The following IL17RB variants were observed in gnomAD, a reference collection of about 807,000 sequenced individuals.
The protein encoded by IL17RB is interleukin 17 receptor B.
Under a neutral mutation model 43.9 loss-of-function variants are expected in IL17RB, and 36 were observed. That is an observed-to-expected ratio of 0.82 (90% CI 0.63 to 1.08). The LOEUF (loss-of-function observed/expected upper bound fraction) is 1.08, where lower values mean the gene tolerates loss of function less well. IL17RB is among the 50% of genes least tolerant of loss of function. The probability of loss-of-function intolerance (pLI) is 0.00; values close to 1 mark genes in which losing one functional copy is unlikely to be tolerated. For synonymous variants in IL17RB, 225 were observed against 225.4 expected (o/e 1.00, Z 0.02); for missense variants, 613 against 613.6 (o/e 1.00, Z 0.01).
intron 9 of IL17RB, chr3:53,859,025 C>T (rs185426239): frequency 8.2e-6 from 4 of 487,304 alleles, no homozygotes; most frequent in Non-Finnish European, 1.5e-5. Context: ...TGTAAAACCA[C>T]TCGTGACTCT....
rs200222203 is a variant in IL17RB, at chr3:53,863,794, T to TGAGGTTA, written c.947-951_947-945dup. Reference sequence around the variant, plus strand: ...TGTTCATATACAGCACTAAAAGTACTGAGGTTACAATCACACACCTCAAAG... The same window carrying TGAGGTTA: ...TGTTCATATACAGCACTAAAAGTACTGAGGTTAGAGGTTACAATCACACACCTCAAAG... On this transcript the variant is annotated intron_variant, in intron 10 of 10. Coordinates refer to ENST00000288167, the MANE Select transcript of IL17RB (RefSeq NM_018725.4). Among the ~76,000 whole-genome samples the TGAGGTTA allele has an allele frequency of 4.6e-3, 691 of 151,296 alleles. 14 individuals carry two copies. The highest frequency in any genetic ancestry group is 0.038 in the Admixed American group (569 of 15,104).
At chr3:53,849,520 A>AAT (rs1553702074) in intron 2 of IL17RB, 135 bp from the exon 3 acceptor site, 3 of 642,742 alleles carry the variant, frequency 4.7e-6, no homozygotes, top group Admixed American at 7.0e-5. Flanking sequence ...TACAAAAAAC[A>AAT]TTTTTTTAAT....
At chr3:53,853,088 G>A in intron 5 of IL17RB, 91 bp downstream of exon 5, 1 of 1,490,132 alleles carries the variant, frequency 6.7e-7, no homozygotes, top group East Asian at 2.3e-5. Flanking sequence ...CCCTGGATAA[G>A]GCTTTTGGCC....
At chr3:53,857,040 T>C (rs1699362646) in intron 7 of IL17RB, 54 bp downstream of exon 7, 12 of 1,575,462 alleles carry the variant, frequency 7.6e-6, no homozygotes, top group Non-Finnish European at 9.6e-6. Flanking sequence ...CTTAGTGTGT[T>C]GAAGGAAAAT....
Position 53,860,231 on chromosome 3 carries a change from A to G in IL17RB, c.946+3A>G. 1 of 1,606,706 alleles carries G rather than the reference A, an allele frequency of 6.2e-7. No homozygotes were observed. The highest frequency in any genetic ancestry group is 1.3e-5 in the African/African-American group (1 of 74,734). ...GATCTATCTAATGTGGAGGCACGGT[A>G]AGGGTTATAATTCTTTAAAGACATC... On this transcript the variant is annotated splice_donor_region_variant and intron_variant, in intron 10 of 10. Transcript: ENST00000288167.
At chr3:53,854,818 TC>T (rs536349941) in intron 5 of IL17RB, among the ~76,000 whole-genome samples, 74 of 152,350 alleles carry the variant, frequency 4.9e-4, no homozygotes, top group African/African-American at 1.7e-3. Context: ...TTACCAAATG[TC>T]CTTTTCAAAT....
At chr3:53,861,761 C>T (rs552223086) in intron 10 of IL17RB, among the ~76,000 whole-genome samples, 12 of 152,226 alleles carry the variant, frequency 7.9e-5, no homozygotes, top group South Asian at 2.1e-4. Flanking sequence ...GGTGAGTTCC[C>T]GGATGCCATT....
chr3:53,848,226 G>A (rs1256282950), intron 1 of IL17RB, among the ~76,000 whole-genome samples: 1 of 152,240 alleles, frequency 6.6e-6, no homozygotes, highest in Non-Finnish European at 1.5e-5. Context: ...TGCATTCAGA[G>A]CTTTCTTTTG....
At chr3:53,848,516 C>A in intron 1 of IL17RB, 148 bp from the exon 2 acceptor site, 1 of 806,902 alleles carries the variant, frequency 1.2e-6, no homozygotes, top group Non-Finnish European at 2.2e-6. Context: ...CCCCCCTAAG[C>A]TGTGAAGCAG....
intron 8 of IL17RB, 51 bp from the exon 9 acceptor site, chr3:53,858,668 T>C (rs1699441361): frequency 6.2e-7 from 1 of 1,601,330 alleles, no homozygotes. Flanking sequence ...CTTGGTGAGA[T>C]TTTGCTCTGA....
rs745502642 is a variant in IL17RB, at chr3:53,865,012, G to A, written c.1213G>A (p.Asp405Asn). The stretch of plus-strand genomic sequence containing the variant: ...TTCCAATGACGTCAACAGTGTGTGC[G>A]ATGGTACCTGTGGCAAGAGCGAGGG... ...LLSNDVNSVC[D>N]GTCGKSEGSP... Residue 405 changes from aspartate to asparagine, a missense_variant, in exon 11 of 11, where the codon GAT (aspartate) becomes AAT (asparagine). Physicochemically the swap from Asp to Asn is conservative, Grantham distance 23. Transcript: ENST00000288167. The A allele has an allele frequency of 5.0e-6, 8 of 1,614,174 alleles. No homozygotes were observed. Among genetic ancestry groups the A allele is most frequent in the South Asian group, 1.1e-5 (1 of 91,072 alleles).
intron 8 of IL17RB, chr3:53,858,040 T>C (rs1699411448): frequency 3.6e-6 from 1 of 274,520 alleles, no homozygotes; most frequent in South Asian, 4.3e-5. Flanking sequence ...AGGTTTGAGT[T>C]CCAGGCAGCG....
intron 6 of IL17RB, 29 bp from the exon 7 acceptor site, chr3:53,856,815 C>A: frequency 6.2e-7 from 1 of 1,613,262 alleles, no homozygotes; most frequent in South Asian, 1.1e-5. Context: ...TTAGCAAGTT[C>A]ATCTACATGG....
intron 10 of IL17RB, among the ~76,000 whole-genome samples, chr3:53,864,487 G>A (rs1699702320): frequency 6.6e-6 from 1 of 152,006 alleles, no homozygotes; most frequent in South Asian, 2.1e-4. Flanking sequence ...GTCAGCCGAG[G>A]TCACGCCACT....
chr3:53,864,020 G>A (rs1380361682), intron 10 of IL17RB, among the ~76,000 whole-genome samples: 1 of 151,790 alleles, frequency 6.6e-6, no homozygotes, highest in Non-Finnish European at 1.5e-5. Context: ...ATGGGGTTTC[G>A]CCATGTTGCC....
At chr3:53,863,216 G>A (rs1034955145) in intron 10 of IL17RB, among the ~76,000 whole-genome samples, 4 of 152,202 alleles carry the variant, frequency 2.6e-5, no homozygotes, top group African/African-American at 9.7e-5. Flanking sequence ...GCTATTAGAA[G>A]TTAAGTTGTG....
intron 10 of IL17RB, among the ~76,000 whole-genome samples, chr3:53,862,498 C>T (rs1020443232): frequency 1.3e-5 from 2 of 152,182 alleles, no homozygotes; most frequent in African/African-American, 4.8e-5. Context: ...GGATTTACAA[C>T]AGAGCCAATC....
At chr3:53,850,622 G>T (rs764392180) in intron 3 of IL17RB, among the ~76,000 whole-genome samples, 1 of 151,592 alleles carries the variant, frequency 6.6e-6, no homozygotes, top group Non-Finnish European at 1.5e-5. Context: ...TGGCCAACAT[G>T]GTGAAACTCC....
intron 1 of IL17RB, among the ~76,000 whole-genome samples, chr3:53,846,995 C>T (rs113512208): frequency 1.1e-4 from 17 of 152,348 alleles, no homozygotes; most frequent in African/African-American, 3.8e-4. Context: ...AAGGGCCTGG[C>T]ACGTAGTTAT....
Sources: allele counts gnomAD v4.1 joint callset (sites outside exome capture counted in the v4.1 genomes callset), GRCh38; gene constraint gnomAD v4.1.1; transcripts MANE v1.5; gene names NCBI Gene and HGNC (gene_info 2026-07-23, HGNC 2026-07-21).